Variants in USP6NL observed in about 807,000 individuals in gnomAD.
The protein encoded by USP6NL is USP6 N-terminal like.
A neutral mutation model predicts 61.9 loss-of-function variants in USP6NL; 26 were observed. The observed-to-expected ratio is 0.42, with a 90% CI of 0.31 to 0.58. USP6NL has a LOEUF of 0.58. Ranked by LOEUF, USP6NL falls within the 20% of genes least tolerant of loss-of-function variation. The pLI is 0.16. For synonymous variants in USP6NL, 432 were observed against 390.1 expected (o/e 1.11, Z -1.27); for missense variants, 1,114 against 1,034.3 (o/e 1.08, Z -1.06).
chr10:11,461,009 C>T lies in USP6NL; in HGVS notation c.*1432G>A, dbSNP rs184706230. 358 of 152,300 alleles carry T rather than the reference C, an allele frequency of 2.4e-3. 1 individual carries two copies. Among genetic ancestry groups the T allele is most frequent in the African/African-American group, 8.2e-3 (342 of 41,546 alleles). The allele number at this position is 152,300 out of a possible 1,614,324, so 9.4% of individuals were successfully genotyped here. A position where few individuals can be genotyped will look rare whatever the true frequency, so the allele number is the denominator to read the frequency against. On this transcript the variant is annotated 3_prime_UTR_variant, in exon 15 of 15. Coordinates refer to ENST00000609104, the MANE Select transcript of USP6NL (RefSeq NM_014688.5). ...TTGTCACATTCACTAGCTAAACAAA[C>T]GTTACTTCCATTTTAAAAGACATAC...
Position 11,530,101 on chromosome 10 carries a change from C to CAA in USP6NL, c.5-2536_5-2535dup, listed in dbSNP as rs900768943. 7.1e-3 allele frequency among the ~76,000 whole-genome samples: 506 copies of CAA among 71,156 alleles called. 6 individuals are homozygous for CAA. Among genetic ancestry groups the CAA allele is most frequent in the Admixed American group, 0.011 (66 of 6,136 alleles). The allele number at this position is 71,156 out of a possible 152,430, so 46.7% of individuals were successfully genotyped here. A position where few individuals can be genotyped will look rare whatever the true frequency, so the allele number is the denominator to read the frequency against. The stretch of plus-strand genomic sequence containing the variant: ...TGGGTGACAGAGTAAGACCCTGTCT[C>CAA]AAAAAAAAAAAAAAAAAAAAAAAGA... On this transcript the variant is annotated intron_variant, in intron 2 of 14. Transcript: ENST00000609104.
intron 2 of USP6NL, among the ~76,000 whole-genome samples, chr10:11,558,216 T>C (rs1043316615): frequency 2.0e-5 from 3 of 152,010 alleles, no homozygotes; most frequent in Non-Finnish European, 2.9e-5. Context: ...TGCTCCTTTG[T>C]CCCCCAACTA....
chr10:11,473,559 T>C (rs1319758609), intron 14 of USP6NL, among the ~76,000 whole-genome samples: 1 of 152,110 alleles, frequency 6.6e-6, no homozygotes, highest in African/African-American at 2.4e-5. Context: ...AGGAGCGTAT[T>C]CCAAGGCAAA....
rs1424953491 is a variant in USP6NL, at chr10:11,511,925, G to T, written c.196-2250C>A. 6.6e-6 allele frequency among the ~76,000 whole-genome samples: 1 copy of T among 151,904 alleles called. No homozygotes were observed. The highest frequency in any genetic ancestry group is 2.4e-5 in the African/African-American group (1 of 41,320). ...GTTTAAGTGCTAACTCCATAATGCT[G>T]TCCATTCAACAATACCAAACTTGAA... On this transcript the variant is annotated intron_variant, in intron 5 of 14. Transcript: ENST00000609104. This position sits in a 1 kb window ranked among gnomAD's most constrained non-coding sequence, Gnocchi z 4.9.
At chr10:11,610,583 T>C (rs985195544) in intron 1 of USP6NL, among the ~76,000 whole-genome samples, 1 of 152,182 alleles carries the variant, frequency 6.6e-6, no homozygotes, top group Non-Finnish European at 1.5e-5. Context: ...GAAACCATTT[T>C]CTTTCAACAA....
chr10:11,463,083 A>C lies in USP6NL; in HGVS notation c.1845T>G (p.Tyr615Ter). The change falls in exon 15 of 15, where the codon TAT becomes TAG. Residue 615 changes from tyrosine to a stop codon, truncating the protein, a stop_gained. Transcript: ENST00000609104. LOFTEE classifies it low-confidence loss of function (END_TRUNC). This position sits in a 1 kb window ranked among gnomAD's most constrained non-coding sequence, Gnocchi z 6.3. ...GGGCTTCCCCATCTAGCTGGGACGGATATCGTGCATGACTTGGAGGCTGTA... is the reference window on the plus strand; with the variant it reads ...GGGCTTCCCCATCTAGCTGGGACGGCTATCGTGCATGACTTGGAGGCTGTA... ...FKVQPPSHAR[Y>*]PSQLDGEARG... 4.3e-6 allele frequency: 7 copies of C among 1,614,000 alleles called. No homozygotes were observed. The highest frequency in any genetic ancestry group is 5.9e-6 in the Non-Finnish European group (7 of 1,179,896).
intron 2 of USP6NL, among the ~76,000 whole-genome samples, chr10:11,546,536 G>A (rs1326139224): frequency 6.6e-6 from 1 of 152,060 alleles, no homozygotes; most frequent in Admixed American, 6.6e-5. Flanking sequence ...CAAGTAGCTG[G>A]GACTACAGGT....
Position 11,463,162 on chromosome 10 carries a change from T to G in USP6NL, c.1766A>C (p.His589Pro). The G allele has an allele frequency of 6.2e-7, 1 of 1,613,920 alleles. No homozygotes were observed. Among genetic ancestry groups the G allele is most frequent in the Non-Finnish European group, 8.5e-7 (1 of 1,179,868 alleles). The change falls in exon 15 of 15, where the codon CAC becomes CCC. Residue 589 changes from histidine (H) to proline (P), a missense_variant. His to Pro is a moderately conservative substitution (Grantham distance 77). Transcript: ENST00000609104. The surrounding 1 kb of genome is among the most constrained non-coding windows in gnomAD (Gnocchi z 6.3). The part of the protein sequence containing the change: ...HALYPPSPRK[H>P]AEPSSSPSKV... ...TGATGGACTAGAACTTGGCTCAGCG[T>G]GCTTTCTCGGGCTAGGAGGGTAAAG...
In USP6NL at chr10:11,525,494, T is replaced by C; in HGVS notation, c.73-26A>G. 1 of 1,532,260 alleles carries C rather than the reference T, an allele frequency of 6.5e-7. No individual in the cohort carries two copies. The highest frequency in any genetic ancestry group is 8.7e-7 in the Non-Finnish European group (1 of 1,144,316). 94.9% of individuals were successfully genotyped at this position (1,532,260 alleles called of 1,614,324 possible). A position where few individuals can be genotyped will look rare whatever the true frequency, so the allele number is the denominator to read the frequency against. ...CTAAAATAAGGCACAAAAAAAGGTGTTAATCAGAGTTTATAAAACTGAATA... is the reference window on the plus strand; with the variant it reads ...CTAAAATAAGGCACAAAAAAAGGTGCTAATCAGAGTTTATAAAACTGAATA... On this transcript the variant is annotated intron_variant, in intron 3 of 14. Coordinates refer to ENST00000609104, the MANE Select transcript of USP6NL (RefSeq NM_014688.5). This position sits in a 1 kb window ranked among gnomAD's most constrained non-coding sequence, Gnocchi z 5.0.
intron 2 of USP6NL, among the ~76,000 whole-genome samples, chr10:11,539,673 A>G (rs1284393844): frequency 6.6e-6 from 1 of 152,220 alleles, no homozygotes; most frequent in Non-Finnish European, 1.5e-5. Flanking sequence ...ACCCGCCTAC[A>G]GTTGCTGACA....
Position 11,597,535 on chromosome 10 carries a change from A to G in USP6NL, c.4+96T>C. ...CATTCAAACTCTGAATAAGTGACATAATTCCAATTTATTCAGTAACATGTT... is the reference window on the plus strand; with the variant it reads ...CATTCAAACTCTGAATAAGTGACATGATTCCAATTTATTCAGTAACATGTT... On this transcript the variant is annotated intron_variant, in intron 2 of 14. Transcript: ENST00000609104. The surrounding 1 kb of genome is among the most constrained non-coding windows in gnomAD (Gnocchi z 4.6). 1.6e-6 allele frequency: 2 copies of G among 1,285,294 alleles called. No homozygotes were observed. Among genetic ancestry groups the G allele is most frequent in the Non-Finnish European group, 2.2e-6 (2 of 904,340 alleles). 79.6% of individuals were successfully genotyped at this position (1,285,294 alleles called of 1,614,324 possible). A position where few individuals can be genotyped will look rare whatever the true frequency, so the allele number is the denominator to read the frequency against.
chr10:11,516,679 C>T (rs1591875045), intron 5 of USP6NL, among the ~76,000 whole-genome samples: 2 of 152,182 alleles, frequency 1.3e-5, no homozygotes, highest in East Asian at 3.9e-4. Flanking sequence ...CCTGTCCCCA[C>T]CCCCAAATAA....
chr10:11,519,995 G>A (rs965131663), intron 4 of USP6NL, among the ~76,000 whole-genome samples: 7 of 152,156 alleles, frequency 4.6e-5, no homozygotes, highest in African/African-American at 1.7e-4. Context: ...TCTACTCTGA[G>A]GAGTCCTTAG....
Position 11,561,469 on chromosome 10 carries a change from A to G in USP6NL, c.5-33902T>C, listed in dbSNP as rs1332903552. Among the ~76,000 whole-genome samples, 5 of 152,380 alleles carry G rather than the reference A, an allele frequency of 3.3e-5. No individual in the cohort carries two copies. The highest frequency in any genetic ancestry group is 2.1e-4 in the South Asian group (1 of 4,828). ...CACGCATATGTATAAGGCACACAACAGAACCATACTAAGCACATTGCTTTG... is the reference window on the plus strand; with the variant it reads ...CACGCATATGTATAAGGCACACAACGGAACCATACTAAGCACATTGCTTTG... On this transcript the variant is annotated intron_variant, in intron 2 of 14. Coordinates refer to ENST00000609104, the MANE Select transcript of USP6NL (RefSeq NM_014688.5). This position sits in a 1 kb window ranked among gnomAD's most constrained non-coding sequence, Gnocchi z 4.1.
At chr10:11,475,068 T>C (rs776503625) in intron 14 of USP6NL, among the ~76,000 whole-genome samples, 18 of 152,180 alleles carry the variant, frequency 1.2e-4, no homozygotes, top group Non-Finnish European at 1.0e-4. Context: ...GCAGTCATAG[T>C]GGATTAACAT....
At position 11,599,190 on chromosome 10, in the gene USP6NL, T is replaced by C. The variant is rs571620283; in HGVS notation, c.-83-1473A>G. Among the ~76,000 whole-genome samples, 10 of 152,340 alleles carry C rather than the reference T, an allele frequency of 6.6e-5. No individual in the cohort carries two copies. In the East Asian group the frequency reaches 1.3e-3, roughly 21 times the overall value. On this transcript the variant is annotated intron_variant, in intron 1 of 14. Coordinates refer to ENST00000609104, the MANE Select transcript of USP6NL (RefSeq NM_014688.5). The stretch of plus-strand genomic sequence containing the variant: ...AGGTAGGACATGTGGACCTGGAGCA[T>C]GCTGACTGCTGACAAGGCAAGACAG...
Position 11,496,469 on chromosome 10 carries a change from C to A in USP6NL, c.385-3241G>T, listed in dbSNP as rs576490560. Among the ~76,000 whole-genome samples the A allele has an allele frequency of 6.6e-6, 1 of 152,282 alleles. No homozygotes were observed. Among genetic ancestry groups the A allele is most frequent in the South Asian group, 2.1e-4 (1 of 4,830 alleles). ...AAAACTGGTAGCTGTTAAGCATCTC[C>A]CATTTTCTTATTTCTGTGGGTTTGC... On this transcript the variant is annotated intron_variant, in intron 7 of 14. Coordinates refer to ENST00000609104, the MANE Select transcript of USP6NL (RefSeq NM_014688.5). This position sits in a 1 kb window ranked among gnomAD's most constrained non-coding sequence, Gnocchi z 5.4.
At chr10:11,530,064 T>G (rs550813556) in intron 2 of USP6NL, among the ~76,000 whole-genome samples, 1 of 134,046 alleles carries the variant, frequency 7.5e-6, no homozygotes, top group Admixed American at 8.7e-5. Context: ...ATCGTGCCAC[T>G]GCACTCCAGC....
At chr10:11,493,825 A>ACG (rs921961820) in intron 7 of USP6NL, among the ~76,000 whole-genome samples, 3 of 144,104 alleles carry the variant, frequency 2.1e-5, no homozygotes, top group Admixed American at 6.8e-5. Flanking sequence ...TCCTGCCTGT[A>ACG]CGGCCTGATC....
Sources: gnomAD v4.1 joint callset for allele counts (sites outside exome capture counted in the v4.1 genomes callset) on GRCh38, gnomAD v4.1.1 for gene constraint, Gnocchi (gnomAD v3.1) non-coding constraint, MANE v1.5 for transcripts, NCBI Gene and HGNC (gene_info 2026-07-23, HGNC 2026-07-21) for gene names.